The following SGCG variants were observed in gnomAD, a reference collection of about 807,000 sequenced individuals.
The protein encoded by SGCG is gamma-sarcoglycan.
SGCG carries 26 observed loss-of-function variants against 29.3 expected under a neutral mutation model. The observed-to-expected ratio is 0.89, with a 90% CI of 0.65 to 1.23. SGCG has a LOEUF of 1.23. SGCG is among the 50% of genes most tolerant of loss of function. SGCG has a pLI of 0.00. For synonymous variants in SGCG, 145 were observed against 129.7 expected (o/e 1.12, Z -0.80); for missense variants, 353 against 356.0 (o/e 0.99, Z 0.07).
chr13:23,292,705 A>G (rs1365806309), intron 5 of SGCG, among the ~76,000 whole-genome samples: 1 of 152,246 alleles, frequency 6.6e-6, no homozygotes, highest in African/African-American at 2.4e-5. Context: ...AGAAAACTTT[A>G]TGCCCACATT....
intron 4 of SGCG, among the ~76,000 whole-genome samples, chr13:23,272,342 T>C (rs1255397648): frequency 6.6e-6 from 1 of 152,234 alleles, no homozygotes; most frequent in Non-Finnish European, 1.5e-5. Flanking sequence ...GCCTATTTTC[T>C]AGAATGTTCA....
chr13:23,216,717 A>G lies in SGCG; in HGVS notation c.195+12828A>G, dbSNP rs188101031. Among the ~76,000 whole-genome samples the G allele has an allele frequency of 1.9e-3, 288 of 152,224 alleles. 1 individual carries two copies. The highest frequency in any genetic ancestry group is 3.1e-3 in the Non-Finnish European group (208 of 67,962). On this transcript the variant is annotated intron_variant, in intron 2 of 7. Coordinates refer to ENST00000218867, the MANE Select transcript of SGCG (RefSeq NM_000231.3). Reference sequence around the variant, plus strand: ...TTGTCTAACATTGACTTTTCTTTGTATGTAAAATGTCCAGGTTAGTAGCAA... The same window carrying G: ...TTGTCTAACATTGACTTTTCTTTGTGTGTAAAATGTCCAGGTTAGTAGCAA...
At chr13:23,188,597 G>T (rs1877102074) in intron 1 of SGCG, among the ~76,000 whole-genome samples, 1 of 151,352 alleles carries the variant, frequency 6.6e-6, no homozygotes, top group African/African-American at 2.4e-5. Flanking sequence ...GGGATTATAG[G>T]TGTGAGCCAC....
At chr13:23,303,223 A>G (rs1882236825) in intron 6 of SGCG, among the ~76,000 whole-genome samples, 2 of 152,214 alleles carry the variant, frequency 1.3e-5, no homozygotes, top group South Asian at 2.1e-4. Context: ...GAGATTGTTA[A>G]AAAGGATCTG....
intron 1 of SGCG, among the ~76,000 whole-genome samples, chr13:23,199,898 T>A (rs1039499408): frequency 1.1e-4 from 17 of 152,004 alleles, no homozygotes. Context: ...TGGGCAGATG[T>A]GGGGGGACTC....
intron 6 of SGCG, among the ~76,000 whole-genome samples, chr13:23,315,209 G>A (rs1399237178): frequency 6.6e-6 from 1 of 152,166 alleles, no homozygotes; most frequent in Admixed American, 6.5e-5. Context: ...CCTGTTACTG[G>A]GCTTTGGTGG....
At chr13:23,245,624 A>G (rs1879679444) in intron 3 of SGCG, 1 of 152,178 alleles carries the variant, frequency 6.6e-6, no homozygotes, top group Non-Finnish European at 1.5e-5. Flanking sequence ...GTAAGGGGCG[A>G]CCTAATAACC....
the SGCG span, among the ~76,000 whole-genome samples, chr13:23,175,330 A>G: frequency 6.6e-6 from 1 of 152,214 alleles, no homozygotes; most frequent in Non-Finnish European, 1.5e-5. Flanking sequence ...TATTCTAAGC[A>G]GGAGATTTTA....
At position 23,271,143 on chromosome 13, in the gene SGCG, C is replaced by A. The variant is rs371207153; in HGVS notation, c.386-8216C>A. On this transcript the variant is annotated intron_variant, in intron 4 of 7. Transcript: ENST00000218867. The stretch of plus-strand genomic sequence containing the variant: ...AGGAGAATTGCTTGAACCTGAGAGG[C>A]AGAGGTTGCAGTGAGCCGAGATCAC... 5.9e-5 allele frequency among the ~76,000 whole-genome samples: 9 copies of A among 152,130 alleles called. No homozygotes were observed. In the East Asian group the frequency reaches 1.5e-3, roughly 26 times the overall value.
At chr13:23,188,807 G>A (rs1877117209) in intron 1 of SGCG, among the ~76,000 whole-genome samples, 1 of 152,172 alleles carries the variant, frequency 6.6e-6, no homozygotes, top group African/African-American at 2.4e-5. Context: ...GTTCCTCTAT[G>A]TGAGATAAAT....
intron 6 of SGCG, among the ~76,000 whole-genome samples, chr13:23,307,431 G>C (rs2137502605): frequency 6.6e-6 from 1 of 152,218 alleles, no homozygotes; most frequent in African/African-American, 2.4e-5. Context: ...TTTTTCGTGA[G>C]TTAAAAAAAG....
intron 6 of SGCG, among the ~76,000 whole-genome samples, chr13:23,305,549 C>T (rs1403353606): frequency 6.6e-6 from 1 of 152,174 alleles, no homozygotes; most frequent in Admixed American, 6.5e-5. Flanking sequence ...TCCCAATGTC[C>T]TCAATGCAAT....
chr13:23,178,395 G>A (rs148981261), upstream of SGCG, among the ~76,000 whole-genome samples: 615 of 152,286 alleles, frequency 4.0e-3, 4 homozygotes, highest in African/African-American at 0.014. Flanking sequence ...ATCGTCAACC[G>A]AGGAAGGAAA....
intron 1 of SGCG, among the ~76,000 whole-genome samples, chr13:23,193,818 A>G (rs1877377203): frequency 6.6e-6 from 1 of 152,164 alleles, no homozygotes; most frequent in Admixed American, 6.5e-5. Context: ...GAATAGGATC[A>G]CCTTGAAAAA....
At chr13:23,286,654 C>A (rs770900832) in intron 5 of SGCG, among the ~76,000 whole-genome samples, 1 of 151,718 alleles carries the variant, frequency 6.6e-6, no homozygotes, top group African/African-American at 2.4e-5. Flanking sequence ...ATAAATGAGA[C>A]CCAGTAAGAG....
chr13:23,198,934 C>T (rs1408501109), intron 1 of SGCG, among the ~76,000 whole-genome samples: 1 of 151,192 alleles, frequency 6.6e-6, no homozygotes, highest in Non-Finnish European at 1.5e-5. Flanking sequence ...TGGTGAAACC[C>T]CGTCTCTACT....
At chr13:23,243,228 C>A (rs939706992) in intron 3 of SGCG, among the ~76,000 whole-genome samples, 12 of 152,272 alleles carry the variant, frequency 7.9e-5, no homozygotes, top group African/African-American at 2.6e-4. Flanking sequence ...CTGGAGGGGG[C>A]AGCTGCAGCT....
intron 3 of SGCG, chr13:23,244,986 G>A (rs1337670728): frequency 1.3e-5 from 2 of 152,198 alleles, no homozygotes; most frequent in Non-Finnish European, 1.5e-5. Flanking sequence ...TGGTTTGGAA[G>A]GGGACAGAGG....
chr13:23,317,337 G>C (rs560797680), intron 6 of SGCG, among the ~76,000 whole-genome samples: 1 of 152,178 alleles, frequency 6.6e-6, no homozygotes, highest in Non-Finnish European at 1.5e-5. Context: ...GCCCAATCCA[G>C]GCAGGGCTAC....
Sources: gnomAD v4.1 joint callset for allele counts (sites outside exome capture counted in the v4.1 genomes callset) on GRCh38, gnomAD v4.1.1 for gene constraint, MANE v1.5 for transcripts, NCBI Gene and HGNC (gene_info 2026-07-23, HGNC 2026-07-21) for gene names.